The following PDLIM5 variants were observed in gnomAD, a reference collection of about 807,000 sequenced individuals.
PDLIM5 encodes PDZ and LIM domain protein 5.
A neutral mutation model predicts 64.2 loss-of-function variants in PDLIM5; 34 were observed. The observed-to-expected ratio is 0.53, with a 90% CI of 0.40 to 0.71. The LOEUF (loss-of-function observed/expected upper bound fraction) is 0.71, where lower values mean the gene tolerates loss of function less well. Ranked by LOEUF, PDLIM5 falls within the 30% of genes least tolerant of loss-of-function variation. The pLI, the probability that PDLIM5 is intolerant of heterozygous loss-of-function variation, is 0.00. For missense variants in PDLIM5, 683 were observed against 733.6 expected (o/e 0.93, Z 0.80); for synonymous variants, 253 against 269.1 (o/e 0.94, Z 0.59).
chr4:94,551,038 G>T (rs778417496), intron 3 of PDLIM5, among the ~76,000 whole-genome samples: 1 of 152,050 alleles, frequency 6.6e-6, no homozygotes, highest in Non-Finnish European at 1.5e-5. Flanking sequence ...CCAAGAAAAG[G>T]TTAGAAAATT....
intron 7 of PDLIM5, chr4:94,587,291 A>C: frequency 1.5e-6 from 2 of 1,350,908 alleles, no homozygotes; most frequent in Non-Finnish European, 1.9e-6. Flanking sequence ...ACCAAAAAAA[A>C]AAAAAAATAG....
Position 94,575,904 on chromosome 4 carries a change from C to T in PDLIM5, c.580C>T (p.Leu194=), listed in dbSNP as rs767401102. The part of the protein sequence containing the change: ...NLSADQSPSA[L]SAGKTAVNVP... The stretch of plus-strand genomic sequence containing the variant: ...TAGTGCTGACCAGTCTCCATCTGCA[C>T]TGAGCGCTGGTAAAACTGCAGTTAA... Residue 194 remains leucine, a synonymous_variant, in exon 5 of 13, where the codon CTG becomes TTG. Coordinates refer to ENST00000317968, the MANE Select transcript of PDLIM5 (RefSeq NM_006457.5). The T allele has an allele frequency of 6.2e-7, 1 of 1,614,138 alleles. No homozygotes were observed. Among genetic ancestry groups the T allele is most frequent in the Non-Finnish European group, 8.5e-7 (1 of 1,180,020 alleles).
chr4:94,587,117 A>G, intron 7 of PDLIM5: 1 of 1,568,206 alleles, frequency 6.4e-7, no homozygotes, highest in Non-Finnish European at 8.6e-7. Flanking sequence ...GCCAGCACAT[A>G]CCTTTTCATT....
intron 3 of PDLIM5, among the ~76,000 whole-genome samples, chr4:94,566,622 A>G (rs1465342708): frequency 5.3e-5 from 8 of 152,344 alleles, no homozygotes; most frequent in African/African-American, 1.7e-4. Flanking sequence ...AAGAAACTAT[A>G]TGTTGCCTAA....
intron 2 of PDLIM5, among the ~76,000 whole-genome samples, chr4:94,489,923 C>G (rs1003319049): frequency 1.3e-5 from 2 of 151,668 alleles, no homozygotes; most frequent in African/African-American, 4.8e-5. Context: ...TCTTTTTTTT[C>G]TTTAATATAT....
chr4:94,618,773 C>G (rs958344162), intron 8 of PDLIM5, among the ~76,000 whole-genome samples: 8 of 152,186 alleles, frequency 5.3e-5, no homozygotes, highest in African/African-American at 1.9e-4. Flanking sequence ...CTCTTTGACA[C>G]CCTCAGTTTT....
chr4:94,487,740 G>A (rs1276565687), intron 2 of PDLIM5, among the ~76,000 whole-genome samples: 6 of 152,150 alleles, frequency 3.9e-5, no homozygotes, highest in South Asian at 2.1e-4. Flanking sequence ...TCATTCCTAC[G>A]GTGGTGGTGA....
At chr4:94,555,330 C>G (rs1036990401) in intron 3 of PDLIM5, among the ~76,000 whole-genome samples, 2 of 152,226 alleles carry the variant, frequency 1.3e-5, no homozygotes, top group Admixed American at 1.3e-4. Context: ...GCTGGGATTA[C>G]AGGCATGAGC....
In PDLIM5 at chr4:94,664,922, G is replaced by C. The variant is rs187628494; in HGVS notation, c.*855G>C. ...TTTTGCCTTACAGTGGATCATTCTA[G>C]TAGGAAAGGACAATAAGATTTTTTA... On this transcript the variant is annotated 3_prime_UTR_variant, in exon 13 of 13. Coordinates refer to ENST00000317968, the MANE Select transcript of PDLIM5 (RefSeq NM_006457.5). 4.0e-5 allele frequency: 39 copies of C among 981,470 alleles called. No homozygotes were observed. Among genetic ancestry groups the C allele is most frequent in the Admixed American group, 1.2e-4 (2 of 16,258 alleles). The allele number at this position is 981,470 out of a possible 1,614,324, so 60.8% of individuals were successfully genotyped here. A position where few individuals can be genotyped will look rare whatever the true frequency, so the allele number is the denominator to read the frequency against.
intron 2 of PDLIM5, chr4:94,456,207 G>GT (rs35837154): frequency 6.8e-4 from 303 of 445,030 alleles, no homozygotes; most frequent in African/African-American, 4.1e-3. Flanking sequence ...TATACACACA[G>GT]TTTTTTTTGA....
At chr4:94,599,104 C>T (rs1737287291) in intron 7 of PDLIM5, among the ~76,000 whole-genome samples, 1 of 151,946 alleles carries the variant, frequency 6.6e-6, no homozygotes, top group East Asian at 1.9e-4. Context: ...AATGAGAGGC[C>T]CAATATAGGA....
intron 9 of PDLIM5, among the ~76,000 whole-genome samples, chr4:94,647,536 CAAT>C (rs1240592281): frequency 6.6e-6 from 1 of 151,906 alleles, no homozygotes; most frequent in Non-Finnish European, 1.5e-5. Context: ...ATATACAATT[CAAT>C]AATAATAGTT....
rs36060152 is a variant in PDLIM5, at chr4:94,531,334, A to AT, written c.248+7469dup. On this transcript the variant is annotated intron_variant, in intron 3 of 12. Coordinates refer to ENST00000317968, the MANE Select transcript of PDLIM5 (RefSeq NM_006457.5). ...AAACATGTATTGACATGCTTTGTGA[A>AT]TTTTTTTTTTCTTACATATATCATT... is the stretch of plus-strand genomic sequence containing the variant. Among the ~76,000 whole-genome samples the AT allele has an allele frequency of 5.9e-3, 895 of 150,836 alleles. 3 individuals are homozygous for AT. The highest frequency in any genetic ancestry group is 0.014 in the Middle Eastern group (4 of 294).
At chr4:94,499,205 A>G (rs1182118229) in intron 2 of PDLIM5, among the ~76,000 whole-genome samples, 2 of 152,220 alleles carry the variant, frequency 1.3e-5, no homozygotes, top group Non-Finnish European at 1.5e-5. Flanking sequence ...AGAGACATGC[A>G]TATTATATTT....
intron 3 of PDLIM5, among the ~76,000 whole-genome samples, chr4:94,555,827 C>T (rs972892346): frequency 2.0e-5 from 3 of 151,646 alleles, no homozygotes; most frequent in African/African-American, 4.8e-5. Context: ...TGGTATTAAC[C>T]TCTTTATAGA....
intron 7 of PDLIM5, among the ~76,000 whole-genome samples, chr4:94,610,563 G>A (rs1177931789): frequency 6.6e-6 from 1 of 152,078 alleles, no homozygotes; most frequent in African/African-American, 2.4e-5. Context: ...ATTATTACAT[G>A]TTGTGTGCTT....
intron 7 of PDLIM5, chr4:94,588,162 A>G (rs2110322461): frequency 1.0e-6 from 1 of 961,006 alleles, no homozygotes. Flanking sequence ...GAGGCTAGAC[A>G]CAGTGCCATC....
chr4:94,555,812 G>A (rs1027071214), intron 3 of PDLIM5, among the ~76,000 whole-genome samples: 10 of 151,874 alleles, frequency 6.6e-5, no homozygotes, highest in Non-Finnish European at 2.9e-5. Context: ...ACCCTGTGAG[G>A]TAGGTGGTAT....
intron 9 of PDLIM5, among the ~76,000 whole-genome samples, chr4:94,642,396 A>G (rs995781994): frequency 1.3e-5 from 2 of 152,276 alleles, no homozygotes; most frequent in South Asian, 4.1e-4. Context: ...TAGAAATTAC[A>G]TTTCACCACC....
Sources: gnomAD v4.1 joint callset for allele counts (sites outside exome capture counted in the v4.1 genomes callset) on GRCh38, gnomAD v4.1.1 for gene constraint, MANE v1.5 for transcripts, NCBI Gene and HGNC (gene_info 2026-07-23, HGNC 2026-07-21) for gene names.